RABL3: variants seen among roughly 807,000 people sequenced by gnomAD.
RABL3 encodes RAB, member of RAS oncogene family like 3.
A neutral mutation model predicts 31.8 loss-of-function variants in RABL3; 31 were observed. The ratio of observed to expected loss-of-function variants is 0.97; its 90% CI spans 0.73 to 1.31. The LOEUF (loss-of-function observed/expected upper bound fraction) is 1.31. Ranked by LOEUF, RABL3 falls within the 40% of genes most tolerant of loss-of-function variation. The probability of loss-of-function intolerance (pLI) is 0.00; values close to 1 mark genes in which losing one functional copy is unlikely to be tolerated. For missense variants in RABL3, 263 were observed against 279.6 expected, an observed-to-expected ratio of 0.94 and a Z score of 0.42; for synonymous variants, 97 against 99.9, an observed-to-expected ratio of 0.97 and a Z score of 0.18.
chr3:120,721,928 G>A (rs920197874), intron 2 of RABL3: 1 of 152,174 alleles, frequency 6.6e-6, no homozygotes, highest in Admixed American at 6.5e-5. Context: ...ACAGTTGGAA[G>A]CAAAGCAATC....
At chr3:120,735,445 A>C (rs554342607) in intron 1 of RABL3, among the ~76,000 whole-genome samples, 73 of 150,850 alleles carry the variant, frequency 4.8e-4, no homozygotes, top group African/African-American at 1.6e-3. Context: ...TGTCTTCTTT[A>C]TTAGTCTTGC....
intron 3 of RABL3, among the ~76,000 whole-genome samples, chr3:120,708,415 C>G (rs1480106142): frequency 6.6e-6 from 1 of 151,850 alleles, no homozygotes; most frequent in Non-Finnish European, 1.5e-5. Context: ...TCCATAGCTT[C>G]TAGGATTTGA....
chr3:120,724,648 A>G (rs368360768), intron 2 of RABL3, among the ~76,000 whole-genome samples: 1 of 152,222 alleles, frequency 6.6e-6, no homozygotes, highest in Non-Finnish European at 1.5e-5. Context: ...ATAATGCCAC[A>G]TAACTACAAC....
chr3:120,734,129 C>T (rs1353890053), intron 1 of RABL3, among the ~76,000 whole-genome samples: 2 of 152,032 alleles, frequency 1.3e-5, no homozygotes, highest in African/African-American at 4.8e-5. Flanking sequence ...CTATAAATTA[C>T]CTTGGGCAGT....
chr3:120,694,389 A>T (rs1235118207), intron 5 of RABL3, among the ~76,000 whole-genome samples, 165 bp from the exon 6 acceptor site: 3 of 152,194 alleles, frequency 2.0e-5, no homozygotes, highest in Non-Finnish European at 4.4e-5. Flanking sequence ...AAAGGAGGAA[A>T]GTATTAAAGG....
At chr3:120,707,165 T>C (rs1053607204) in intron 3 of RABL3, among the ~76,000 whole-genome samples, 4 of 152,166 alleles carry the variant, frequency 2.6e-5, no homozygotes, top group African/African-American at 9.7e-5. Context: ...ATTAGCTGGC[T>C]TCTACAGTTT....
chr3:120,718,463 A>C (rs6787364), intron 2 of RABL3, among the ~76,000 whole-genome samples: 73,108 of 152,052 alleles, frequency 0.48, 18,927 homozygotes, highest in Non-Finnish European at 0.59. Flanking sequence ...TTAGTCTTAT[A>C]CCTCTGCTCT....
At chr3:120,707,200 G>A (rs1410226409) in intron 3 of RABL3, among the ~76,000 whole-genome samples, 2 of 151,988 alleles carry the variant, frequency 1.3e-5, no homozygotes, top group Admixed American at 1.3e-4. Context: ...GTAACTAAAG[G>A]GCTTGTACAA....
intron 2 of RABL3, among the ~76,000 whole-genome samples, chr3:120,723,455 A>C (rs1708774835): frequency 6.6e-6 from 1 of 152,236 alleles, no homozygotes; most frequent in Non-Finnish European, 1.5e-5. Flanking sequence ...TTATGAGGCC[A>C]GCATCATCCT....
intron 2 of RABL3, among the ~76,000 whole-genome samples, chr3:120,713,185 G>T (rs190775022): frequency 5.3e-5 from 8 of 152,108 alleles, no homozygotes; most frequent in Admixed American, 2.6e-4. Context: ...CACCTTTCAG[G>T]CTATGCATAC....
chr3:120,712,290 A>C (rs1192868250), intron 2 of RABL3, among the ~76,000 whole-genome samples: 1 of 152,198 alleles, frequency 6.6e-6, no homozygotes, highest in Non-Finnish European at 1.5e-5. Context: ...GTTGAGGACC[A>C]TTTGGGATAA....
intron 1 of RABL3, among the ~76,000 whole-genome samples, chr3:120,733,389 C>T (rs571413714): frequency 5.3e-5 from 8 of 151,986 alleles, no homozygotes; most frequent in East Asian, 1.9e-4. Context: ...TTATGTCCTT[C>T]GCCCACGTGT....
At chr3:120,732,225 C>A (rs548909247) in intron 1 of RABL3, among the ~76,000 whole-genome samples, 30 of 152,250 alleles carry the variant, frequency 2.0e-4, no homozygotes, top group Non-Finnish European at 4.3e-4. Context: ...CTGGAATATC[C>A]TACCCATCCT....
intron 1 of RABL3, among the ~76,000 whole-genome samples, chr3:120,732,068 A>G (rs1211491820): frequency 6.6e-6 from 1 of 152,202 alleles, no homozygotes; most frequent in African/African-American, 2.4e-5. Context: ...ACAAAAAAAA[A>G]TCACCTTAAG....
chr3:120,692,846 C>T (rs1708396133), intron 6 of RABL3, among the ~76,000 whole-genome samples: 1 of 152,104 alleles, frequency 6.6e-6, no homozygotes, highest in Admixed American at 6.6e-5. Context: ...TAAATTTAAA[C>T]AACATACTGT....
chr3:120,713,057 G>A (rs1708629915), intron 2 of RABL3, among the ~76,000 whole-genome samples: 1 of 151,640 alleles, frequency 6.6e-6, no homozygotes, highest in South Asian at 2.1e-4. Flanking sequence ...ATTATTTCAA[G>A]TACCTAATGT....
chr3:120,732,965 A>T (rs997509784), intron 1 of RABL3, among the ~76,000 whole-genome samples: 3 of 152,090 alleles, frequency 2.0e-5, no homozygotes, highest in Non-Finnish European at 2.9e-5. Context: ...TCTATCATTG[A>T]TGGACATTTG....
At chr3:120,729,950 C>T (rs1708862879) in intron 2 of RABL3, among the ~76,000 whole-genome samples, 1 of 151,398 alleles carries the variant, frequency 6.6e-6, no homozygotes, top group Admixed American at 6.6e-5. Context: ...AGCAAAACAA[C>T]AAAATATCAA....
chr3:120,700,023 A>G (rs983341066), intron 4 of RABL3, among the ~76,000 whole-genome samples: 1 of 152,180 alleles, frequency 6.6e-6, no homozygotes, highest in Non-Finnish European at 1.5e-5. Flanking sequence ...TCTCTCATAT[A>G]GTCTTGCACA....
Sources: allele counts gnomAD v4.1 joint callset (sites outside exome capture counted in the v4.1 genomes callset), GRCh38; gene constraint gnomAD v4.1.1; transcripts MANE v1.5; gene names NCBI Gene and HGNC (gene_info 2026-07-23, HGNC 2026-07-21).